Variants in HMCN1 observed in about 807,000 individuals in gnomAD.
The protein encoded by HMCN1 is hemicentin-1.
In HMCN1, 321 loss-of-function variants were observed where a neutral mutation model predicts 625.9. The ratio of observed to expected loss-of-function variants is 0.51; its 90% CI spans 0.47 to 0.56. The LOEUF (loss-of-function observed/expected upper bound fraction) is 0.56, where lower values mean the gene tolerates loss of function less well. HMCN1 is among the 20% of genes least tolerant of loss of function. HMCN1 has a pLI of 0.00. For synonymous variants in HMCN1, 2,425 were observed against 2,417.6 expected (o/e 1.00, Z -0.09); for missense variants, 6,588 against 6,887.3 (o/e 0.96, Z 1.54).
intron 106 of HMCN1, among the ~76,000 whole-genome samples, chr1:186,188,558 C>A (rs915548042): frequency 6.6e-6 from 1 of 152,102 alleles, no homozygotes; most frequent in Non-Finnish European, 1.5e-5. Flanking sequence ...TTTCTCTCTC[C>A]CCTTCCAGAA....
intron 1 of HMCN1, among the ~76,000 whole-genome samples, chr1:185,835,336 T>G (rs1661101414): frequency 6.6e-6 from 1 of 152,158 alleles, no homozygotes. Context: ...TCTTCTGTAG[T>G]TTTTGGAAAG....
chr1:185,977,659 G>T, intron 15 of HMCN1, 128 bp from the exon 16 acceptor site: 1 of 713,128 alleles, frequency 1.4e-6, no homozygotes. Flanking sequence ...ATATCAACAG[G>T]GTAAATTTAC....
chr1:185,820,227 T>G (rs1660100773), intron 1 of HMCN1, among the ~76,000 whole-genome samples: 1 of 152,120 alleles, frequency 6.6e-6, no homozygotes, highest in African/African-American at 2.4e-5. Context: ...GTCTTTATCC[T>G]CCAAGAAACA....
intron 1 of HMCN1, among the ~76,000 whole-genome samples, chr1:185,797,965 C>CAAAAAAAAAAAAAAAAAAAAAAA (rs35031310): frequency 7.3e-5 from 1 of 13,664 alleles, no homozygotes; most frequent in Non-Finnish European, 1.2e-4. Flanking sequence ...GACTCCGTCT[C>CAAAAAAAAAAAAAAAAAAAAAAA]AAAAAAAAAA....
At chr1:186,069,543 A>G in intron 50 of HMCN1, 120 bp from the exon 51 acceptor site, 1 of 720,572 alleles carries the variant, frequency 1.4e-6, no homozygotes, top group South Asian at 1.5e-5. Context: ...TATGTCCATC[A>G]CAGAATTGTC....
At chr1:185,849,042 C>G (rs1662004748) in intron 2 of HMCN1, among the ~76,000 whole-genome samples, 1 of 152,096 alleles carries the variant, frequency 6.6e-6, no homozygotes, top group African/African-American at 2.4e-5. Flanking sequence ...TGTACCATAT[C>G]TACTTGACTC....
intron 54 of HMCN1, among the ~76,000 whole-genome samples, chr1:186,077,772 A>G (rs72720904): frequency 0.026 from 3,937 of 152,316 alleles, 92 homozygotes; most frequent in African/African-American, 0.058. Flanking sequence ...GTAAACTTCT[A>G]TTAAAAGTGT....
intron 1 of HMCN1, among the ~76,000 whole-genome samples, chr1:185,791,729 C>T (rs1004626398): frequency 6.6e-6 from 1 of 151,818 alleles, no homozygotes; most frequent in East Asian, 1.9e-4. Context: ...CAAAAATAAA[C>T]AAACAAACAA....
In HMCN1 at chr1:186,079,130, AGCTCTCTC is replaced by A. The variant is rs1199356298; in HGVS notation, c.8599+911_8599+918del. Among the ~76,000 whole-genome samples the A allele has an allele frequency of 9.0e-4, 136 of 150,850 alleles. 1 individual carries two copies. Among genetic ancestry groups the A allele is most frequent in the East Asian group, 2.0e-3 (10 of 5,126 alleles). On this transcript the variant is annotated intron_variant, in intron 55 of 106. Coordinates refer to ENST00000271588, the MANE Select transcript of HMCN1 (RefSeq NM_031935.3). ...TCTCATCAGCAGCTCTCTCATCAGC[AGCTCTCTC>A]ATCAGCAGCTCTCTCACACTAGCTC...
At chr1:185,860,312 G>T (rs917177153) in intron 2 of HMCN1, among the ~76,000 whole-genome samples, 2 of 152,002 alleles carry the variant, frequency 1.3e-5, no homozygotes, top group African/African-American at 4.8e-5. Flanking sequence ...AGATTATATT[G>T]CAAATGTGAA....
Position 185,741,293 on chromosome 1 carries a change from G to A in HMCN1, c.268+6246G>A, listed in dbSNP as rs150904832. Among the ~76,000 whole-genome samples the A allele has an allele frequency of 2.7e-3, 411 of 152,280 alleles. 1 individual carries two copies. Among genetic ancestry groups the A allele is most frequent in the African/African-American group, 9.4e-3 (389 of 41,562 alleles). ...ACTAAGACAAGTAAATAGAAGCATA[G>A]CATGGCCTTTCACTGAGATGGAGAA... On this transcript the variant is annotated intron_variant, in intron 1 of 106. Transcript: ENST00000271588.
intron 2 of HMCN1, among the ~76,000 whole-genome samples, chr1:185,858,283 CAAG>C (rs1384545872): frequency 1.3e-5 from 2 of 152,036 alleles, no homozygotes; most frequent in Non-Finnish European, 2.9e-5. Context: ...CTGATTAAAT[CAAG>C]AAGACCTTCT....
chr1:186,022,715 A>G (rs868457468), intron 35 of HMCN1, among the ~76,000 whole-genome samples: 1 of 151,902 alleles, frequency 6.6e-6, no homozygotes, highest in African/African-American at 2.4e-5. Context: ...TTTTTCAAAT[A>G]GCTTAAATTT....
intron 89 of HMCN1, among the ~76,000 whole-genome samples, chr1:186,141,661 AG>A (rs1649970930): frequency 6.6e-6 from 1 of 152,214 alleles, no homozygotes; most frequent in South Asian, 2.1e-4. Flanking sequence ...CATAGCTCCT[AG>A]CTTACACTTA....
rs975428696 is a variant in HMCN1 at position 186,114,822 on chromosome 1, T to C, written c.11280T>C (p.Tyr3760=). 5 of 1,614,064 alleles carry C rather than the reference T, an allele frequency of 3.1e-6. No homozygotes were observed. In the African/African-American group the frequency reaches 6.7e-5, roughly 22 times the overall value. ...GAVLAGNHAR[Y]SILENGFLHI... ...TCACTTGTGATTTCTCTTGTAGATA[T>C]TCCATCTTGGAAAATGGATTCCTTC... is the stretch of plus-strand genomic sequence containing the variant. Residue 3760 remains tyrosine (Y), a synonymous_variant, in exon 74 of 107, where the codon TAT becomes TAC. Coordinates refer to ENST00000271588, the MANE Select transcript of HMCN1 (RefSeq NM_031935.3).
rs547773566 is a variant in HMCN1 at position 185,983,374 on chromosome 1, C to T, written c.2791-795C>T. On this transcript the variant is annotated intron_variant, in intron 18 of 106. Coordinates refer to ENST00000271588, the MANE Select transcript of HMCN1 (RefSeq NM_031935.3). ...CCAGGAGGCGGAGGTTGCAGTGAGC[C>T]GAGATCGTGCCACTGCACTCCAGCC... 1.1e-4 allele frequency among the ~76,000 whole-genome samples: 16 copies of T among 151,626 alleles called. No individual in the cohort carries two copies. The East Asian group carries it at 2.3e-3, about 22-fold the overall frequency.
In HMCN1 at chr1:186,174,669, A is replaced by C. The variant is rs754284246; in HGVS notation, c.15943+27A>C. The C allele has an allele frequency of 1.9e-6, 3 of 1,613,002 alleles. No homozygotes were observed. In the South Asian group the frequency reaches 3.3e-5, roughly 18 times the overall value. ...TAAGTTAATAGGAACTTGTTGAGCA[A>C]TAAAGCTACTGATGTAGTTACCTAG... On this transcript the variant is annotated intron_variant, in intron 103 of 106. Transcript: ENST00000271588.
intron 3 of HMCN1, 84 bp downstream of exon 3, chr1:185,864,712 G>A: frequency 1.7e-6 from 2 of 1,207,026 alleles, no homozygotes. Flanking sequence ...TCCATGTGTG[G>A]TCAATAACAA....
chr1:186,013,363 A>C (rs1239957603), intron 30 of HMCN1, among the ~76,000 whole-genome samples: 3 of 152,212 alleles, frequency 2.0e-5, no homozygotes, highest in Non-Finnish European at 4.4e-5. Flanking sequence ...CAGTTGATTG[A>C]CGCTGATATT....
Sources: allele counts gnomAD v4.1 joint callset (sites outside exome capture counted in the v4.1 genomes callset), GRCh38; gene constraint gnomAD v4.1.1; transcripts MANE v1.5; gene names NCBI Gene and HGNC (gene_info 2026-07-23, HGNC 2026-07-21).